Variants in GLI2 observed in about 807,000 individuals in gnomAD.
The protein encoded by GLI2 is transcription activator GLI2.
A neutral mutation model predicts 78.9 loss-of-function variants in GLI2; 22 were observed. The ratio of observed to expected loss-of-function variants is 0.28; its 90% CI spans 0.20 to 0.40. GLI2 has a LOEUF of 0.40. GLI2 is among the 10% of genes least tolerant of loss of function. The pLI is 1.00. For missense variants in GLI2, 2,097 were observed against 2,213.2 expected (o/e 0.95, Z 1.05); for synonymous variants, 974 against 963.7 (o/e 1.01, Z -0.20).
chr2:120,742,575 G>A (rs2104622634), intron 1 of GLI2, among the ~76,000 whole-genome samples: 1 of 151,402 alleles, frequency 6.6e-6, no homozygotes, highest in African/African-American at 2.4e-5. Flanking sequence ...CCGAGAGCCC[G>A]CCACACACGT....
At chr2:120,776,490 C>T (rs377160946) in intron 1 of GLI2, among the ~76,000 whole-genome samples, 1 of 152,204 alleles carries the variant, frequency 6.6e-6, no homozygotes, top group African/African-American at 2.4e-5. Context: ...ACTTCTAGCC[C>T]TCCCTCTGCC....
chr2:120,826,429 C>T (rs1458815158), intron 2 of GLI2, among the ~76,000 whole-genome samples: 2 of 152,186 alleles, frequency 1.3e-5, no homozygotes, highest in Admixed American at 6.5e-5. Context: ...CAGCCAGCCC[C>T]CTCCCTCTGC....
intron 3 of GLI2, among the ~76,000 whole-genome samples, chr2:120,929,587 G>C (rs1165038250): frequency 6.6e-6 from 1 of 152,204 alleles, no homozygotes; most frequent in Non-Finnish European, 1.5e-5. Context: ...TTTTTTGTGT[G>C]ATTCTATGGG....
At chr2:120,790,722 G>A (rs547024365) in intron 1 of GLI2, among the ~76,000 whole-genome samples, 3 of 152,310 alleles carry the variant, frequency 2.0e-5, no homozygotes, top group African/African-American at 7.2e-5. Context: ...CTGCAGAGCT[G>A]TTATCCTGCT....
chr2:120,766,544 C>A (rs1558785965), intron 1 of GLI2, among the ~76,000 whole-genome samples: 1 of 152,212 alleles, frequency 6.6e-6, no homozygotes, highest in African/African-American at 2.4e-5. Flanking sequence ...GAAAGGCCCT[C>A]CCCTGATAGC....
chr2:120,966,680 G>A (rs1027274058), intron 5 of GLI2, among the ~76,000 whole-genome samples: 3 of 152,344 alleles, frequency 2.0e-5, no homozygotes, highest in Admixed American at 6.5e-5. Context: ...GGGCTGGGCC[G>A]GGCATGGTTG....
At chr2:120,761,057 A>G (rs1006579010) in intron 1 of GLI2, among the ~76,000 whole-genome samples, 7 of 152,136 alleles carry the variant, frequency 4.6e-5, no homozygotes, top group Non-Finnish European at 1.0e-4. Flanking sequence ...GTGGCCAGAC[A>G]TTTCTTTCCA....
At chr2:120,949,462 T>A (rs1680875216) in intron 3 of GLI2, among the ~76,000 whole-genome samples, 1 of 151,844 alleles carries the variant, frequency 6.6e-6, no homozygotes, top group African/African-American at 2.4e-5. Context: ...CATGCCCTGC[T>A]CCCAGGCAGA....
At chr2:120,895,077 C>T (rs1157953488) in intron 2 of GLI2, among the ~76,000 whole-genome samples, 9 of 152,194 alleles carry the variant, frequency 5.9e-5, no homozygotes, top group African/African-American at 1.7e-4. Flanking sequence ...AGGGGCTCCC[C>T]GGTGGAGGCT....
intron 13 of GLI2, among the ~76,000 whole-genome samples, chr2:120,987,969 G>A (rs1020829872): frequency 5.3e-5 from 8 of 152,178 alleles, no homozygotes; most frequent in East Asian, 1.9e-4. Context: ...GGTGGCCCAC[G>A]TATGCCCTAG....
Position 120,810,872 on chromosome 2 carries a change from G to A in GLI2, c.148+13404G>A, listed in dbSNP as rs189468982. On this transcript the variant is annotated intron_variant, in intron 2 of 13. Coordinates refer to ENST00000361492, the MANE Select transcript of GLI2 (RefSeq NM_001374353.1). ...TGTCCGTGATCTCGATTGGCTTTCC[G>A]CTGGCCTGGCATTCTGATAGCTCTG... Among the ~76,000 whole-genome samples the A allele has an allele frequency of 2.6e-3, 399 of 152,286 alleles. 1 individual carries two copies. Among genetic ancestry groups the A allele is most frequent in the Non-Finnish European group, 4.5e-3 (307 of 68,020 alleles).
rs368638181 is a variant in GLI2 at position 120,989,262 on chromosome 2, C to T, written c.3297C>T (p.Asn1099=). ...GCAGGATGGTGGCTGCGGACTCCAACGTGGGCCCCTCCGCCCCTATGCTGG... is the reference window on the plus strand; with the variant it reads ...GCAGGATGGTGGCTGCGGACTCCAATGTGGGCCCCTCCGCCCCTATGCTGG... ...GQRRMVAADS[N]VGPSAPMLGG... is the part of the protein sequence containing the mutation. The change falls in exon 14 of 14, where the codon AAC becomes AAT. Residue 1099 remains asparagine (N), a synonymous_variant. Coordinates refer to ENST00000361492, the MANE Select transcript of GLI2 (RefSeq NM_001374353.1). 10 of 1,613,014 alleles carry T rather than the reference C, an allele frequency of 6.2e-6. No homozygotes were observed. The African/African-American group carries it at 6.7e-5, about 11-fold the overall frequency.
At chr2:120,865,239 A>T (rs1472257705) in intron 2 of GLI2, among the ~76,000 whole-genome samples, 1 of 152,190 alleles carries the variant, frequency 6.6e-6, no homozygotes, top group East Asian at 1.9e-4. Flanking sequence ...GGGGAGCCTC[A>T]TCGATGAGCT....
At position 120,800,398 on chromosome 2, in the gene GLI2, G is replaced by A. The variant is rs1031955806; in HGVS notation, c.148+2930G>A. 1.3e-5 allele frequency among the ~76,000 whole-genome samples: 2 copies of A among 152,096 alleles called. No homozygotes were observed. The highest frequency in any genetic ancestry group is 4.8e-5 in the African/African-American group (2 of 41,402). On this transcript the variant is annotated intron_variant, in intron 2 of 13. Coordinates refer to ENST00000361492, the MANE Select transcript of GLI2 (RefSeq NM_001374353.1). The surrounding 1 kb of genome is among the most constrained non-coding windows in gnomAD (Gnocchi z 4.1). ...AGAAGCCTGGCTCCTCTGAGGCCTGGCTTGTTCCTCCAAATCCCGTGACAT... is the reference window on the plus strand; with the variant it reads ...AGAAGCCTGGCTCCTCTGAGGCCTGACTTGTTCCTCCAAATCCCGTGACAT...
intron 1 of GLI2, among the ~76,000 whole-genome samples, chr2:120,750,010 C>T (rs1263128839): frequency 6.6e-6 from 1 of 152,254 alleles, no homozygotes; most frequent in Non-Finnish European, 1.5e-5. Flanking sequence ...TCACAGCTCC[C>T]TCTCCTCCCT....
chr2:120,950,577 G>A (rs1017556739), intron 3 of GLI2, among the ~76,000 whole-genome samples: 39 of 152,300 alleles, frequency 2.6e-4, no homozygotes, highest in African/African-American at 7.7e-4. Context: ...TGACTATTGG[G>A]GCATCTGAGA....
chr2:120,798,143 G>A (rs184207901), intron 2 of GLI2, among the ~76,000 whole-genome samples: 12 of 152,336 alleles, frequency 7.9e-5, no homozygotes, highest in South Asian at 4.1e-4. Context: ...GAGAGACTTC[G>A]ATTTCTTTTC....
At chr2:120,775,384 G>T (rs1683646910) in intron 1 of GLI2, among the ~76,000 whole-genome samples, 1 of 152,180 alleles carries the variant, frequency 6.6e-6, no homozygotes. Flanking sequence ...CACCTCTCCC[G>T]GTGCCGTTCA....
At chr2:120,976,093 C>G (rs1053848310) in intron 9 of GLI2, among the ~76,000 whole-genome samples, 1 of 152,214 alleles carries the variant, frequency 6.6e-6, no homozygotes, top group Non-Finnish European at 1.5e-5. Context: ...AACTCCCCAG[C>G]ACATGCTCCT....
Sources: allele counts gnomAD v4.1 joint callset (sites outside exome capture counted in the v4.1 genomes callset), GRCh38; gene constraint gnomAD v4.1.1; non-coding constraint Gnocchi (gnomAD v3.1); transcripts MANE v1.5; gene names NCBI Gene and HGNC (gene_info 2026-07-23, HGNC 2026-07-21).